Variants in TMEM232 observed in about 807,000 individuals in gnomAD.
TMEM232 encodes the protein transmembrane protein 232.
Under a neutral mutation model 78.8 loss-of-function variants are expected in TMEM232, and 80 were observed. The ratio of observed to expected loss-of-function variants is 1.01; its 90% CI spans 0.85 to 1.22. The LOEUF is 1.22. TMEM232 is among the 50% of genes most tolerant of loss of function. TMEM232 has a pLI of 0.00. For synonymous variants in TMEM232, 297 were observed against 254.3 expected, an observed-to-expected ratio of 1.17 and a Z score of -1.60; for missense variants, 881 against 742.2, an observed-to-expected ratio of 1.19 and a Z score of -2.17.
chr5:110,447,712 A>C (rs1049910820), intron 12 of TMEM232, among the ~76,000 whole-genome samples: 2 of 152,138 alleles, frequency 1.3e-5, no homozygotes, highest in African/African-American at 4.8e-5. Context: ...AAGAATAGAA[A>C]AGTCAGAGGA....
chr5:110,430,935 G>C (rs1235057800), intron 12 of TMEM232, among the ~76,000 whole-genome samples: 1 of 151,714 alleles, frequency 6.6e-6, no homozygotes, highest in African/African-American at 2.4e-5. Context: ...AGTAAGTAAT[G>C]AGCTGCAAAA....
chr5:110,608,237 T>C (rs1781750741), intron 8 of TMEM232, among the ~76,000 whole-genome samples: 1 of 151,924 alleles, frequency 6.6e-6, no homozygotes, highest in African/African-American at 2.4e-5. Flanking sequence ...GAGATTATTG[T>C]GAGATTTGAA....
At chr5:110,459,809 T>A (rs985504468) in intron 12 of TMEM232, among the ~76,000 whole-genome samples, 1 of 152,122 alleles carries the variant, frequency 6.6e-6, no homozygotes, top group South Asian at 2.1e-4. Context: ...AAAGAACAAA[T>A]GAATGTCATC....
At chr5:110,653,671 A>G (rs1259169612) in intron 2 of TMEM232, among the ~76,000 whole-genome samples, 1 of 150,534 alleles carries the variant, frequency 6.6e-6, no homozygotes, top group Non-Finnish European at 1.5e-5. Context: ...AGAAATCATG[A>G]TGTCAAGCAT....
At chr5:110,689,955 C>T (rs1263240047) in intron 1 of TMEM232, among the ~76,000 whole-genome samples, 2 of 152,056 alleles carry the variant, frequency 1.3e-5, no homozygotes. Context: ...GAAACTGGAC[C>T]CCTTCCTTAC....
At chr5:110,618,669 T>C (rs1783243546) in intron 7 of TMEM232, 107 bp from the exon 8 acceptor site, 1 of 1,146,978 alleles carries the variant, frequency 8.7e-7, no homozygotes, top group Non-Finnish European at 1.2e-6. Context: ...CAAATGAAAA[T>C]GCATATTCTC....
At chr5:110,734,239 C>T (rs1798953250) in intron 2 of TMEM232, among the ~76,000 whole-genome samples, 1 of 152,142 alleles carries the variant, frequency 6.6e-6, no homozygotes, top group Non-Finnish European at 1.5e-5. Context: ...TGGGATTGTC[C>T]CCAGAATTCC....
At chr5:110,435,103 T>C (rs1758277855) in intron 12 of TMEM232, among the ~76,000 whole-genome samples, 1 of 151,758 alleles carries the variant, frequency 6.6e-6, no homozygotes, top group Admixed American at 6.6e-5. Flanking sequence ...GAAATAAACA[T>C]CATTTAAATA....
At chr5:110,417,398 A>AATT (rs1160599284), downstream of TMEM232, among the ~76,000 whole-genome samples, 2 of 152,166 alleles carry the variant, frequency 1.3e-5, no homozygotes, top group South Asian at 2.1e-4. Flanking sequence ...TAGTTGAAAT[A>AATT]ATTTATCTGG....
At chr5:110,511,642 C>T (rs1369503647) in intron 12 of TMEM232, among the ~76,000 whole-genome samples, 1 of 151,904 alleles carries the variant, frequency 6.6e-6, no homozygotes, top group Non-Finnish European at 1.5e-5. Context: ...CATAAGCAAC[C>T]TAAAACGAAG....
chr5:110,633,690 T>G (rs995068394), intron 5 of TMEM232, among the ~76,000 whole-genome samples: 1 of 152,168 alleles, frequency 6.6e-6, no homozygotes, highest in Non-Finnish European at 1.5e-5. Flanking sequence ...GATTGTTAAG[T>G]TTCCTGAGGC....
chr5:110,545,893 G>A (rs982844437), intron 11 of TMEM232, among the ~76,000 whole-genome samples: 1 of 152,048 alleles, frequency 6.6e-6, no homozygotes, highest in African/African-American at 2.4e-5. Context: ...CTGCTGAATT[G>A]CCTATACAGA....
intron 4 of TMEM232, among the ~76,000 whole-genome samples, chr5:110,388,340 T>C (rs372091286): frequency 2.6e-5 from 4 of 152,100 alleles, no homozygotes; most frequent in African/African-American, 9.7e-5. Flanking sequence ...AAAGAGAAGA[T>C]TGAGCCACCA....
intron 1 of TMEM232, among the ~76,000 whole-genome samples, chr5:110,720,091 A>G (rs1797437163): frequency 6.6e-6 from 1 of 152,056 alleles, no homozygotes; most frequent in African/African-American, 2.4e-5. Flanking sequence ...TTATGTTTCA[A>G]ATAAAGTTAG....
chr5:110,456,263 C>T (rs1220447994), intron 12 of TMEM232, among the ~76,000 whole-genome samples: 5 of 152,044 alleles, frequency 3.3e-5, no homozygotes, highest in Admixed American at 2.0e-4. Context: ...TAATTCTATA[C>T]ACTAGCATTT....
At chr5:110,581,949 A>G (rs1778254394) in intron 10 of TMEM232, among the ~76,000 whole-genome samples, 1 of 152,044 alleles carries the variant, frequency 6.6e-6, no homozygotes, top group African/African-American at 2.4e-5. Context: ...AATTAAAACT[A>G]CAATGAGATA....
At chr5:110,692,208 C>G (rs145753439) in intron 1 of TMEM232, among the ~76,000 whole-genome samples, 1,680 of 152,310 alleles carry the variant, frequency 0.011, 33 homozygotes, top group African/African-American at 0.038. Flanking sequence ...TTGTCAGCCA[C>G]GACGCCCGGC....
chr5:110,437,603 G>A lies in TMEM232; in HGVS notation c.1704-12687C>T, dbSNP rs539981777. ...TATTATATTATTATCATTACTACTA[G>A]TACATGCATATTATATACTTCATAT... On this transcript the variant is annotated intron_variant, in intron 12 of 13. Coordinates refer to ENST00000455884, the MANE Select transcript of TMEM232 (RefSeq NM_001039763.4). Among the ~76,000 whole-genome samples the A allele has an allele frequency of 1.4e-4, 22 of 151,902 alleles. No individual in the cohort carries two copies. In the South Asian group the frequency reaches 1.7e-3, roughly 11 times the overall value.
At chr5:110,442,782 G>A (rs540009272) in intron 12 of TMEM232, among the ~76,000 whole-genome samples, 2 of 152,100 alleles carry the variant, frequency 1.3e-5, no homozygotes, top group African/African-American at 4.8e-5. Context: ...GGCTTTCCAG[G>A]TATTCAAAGG....
Sources: allele counts gnomAD v4.1 joint callset (sites outside exome capture counted in the v4.1 genomes callset), GRCh38; gene constraint gnomAD v4.1.1; transcripts MANE v1.5; gene names NCBI Gene and HGNC (gene_info 2026-07-23, HGNC 2026-07-21).